COL19A1: variants seen among roughly 807,000 people sequenced by gnomAD.
COL19A1 encodes collagen alpha-1(XIX) chain.
Under a neutral mutation model 190.2 loss-of-function variants are expected in COL19A1, and 159 were observed. The ratio of observed to expected loss-of-function variants is 0.84; its 90% CI spans 0.73 to 0.95. COL19A1 has a LOEUF of 0.95. Ranked by LOEUF, COL19A1 falls within the 40% of genes least tolerant of loss-of-function variation. The probability of loss-of-function intolerance (pLI) is 0.00; values close to 1 mark genes in which losing one functional copy is unlikely to be tolerated. For missense variants in COL19A1, 1,418 were observed against 1,431.9 expected (o/e 0.99, Z 0.16); for synonymous variants, 509 against 458.9 (o/e 1.11, Z -1.39).
intron 14 of COL19A1, among the ~76,000 whole-genome samples, chr6:70,038,288 C>G (rs983943946): frequency 6.6e-6 from 1 of 152,188 alleles, no homozygotes; most frequent in East Asian, 1.9e-4. Context: ...TATTGGGGCT[C>G]CACCCCCAGA....
At chr6:69,970,080 T>C (rs1410455827) in intron 11 of COL19A1, among the ~76,000 whole-genome samples, 1 of 152,172 alleles carries the variant, frequency 6.6e-6, no homozygotes, top group Non-Finnish European at 1.5e-5. Flanking sequence ...CACCTCCTGA[T>C]GAGAGAAGCT....
At chr6:70,103,374 G>C (rs1043986395) in intron 16 of COL19A1, among the ~76,000 whole-genome samples, 5 of 152,068 alleles carry the variant, frequency 3.3e-5, no homozygotes, top group African/African-American at 9.7e-5. Context: ...TCTCCAAGTG[G>C]AGCAAAACCT....
chr6:70,039,945 T>A (rs570699669), intron 14 of COL19A1, among the ~76,000 whole-genome samples: 6,962 of 135,692 alleles, frequency 0.051, 212 homozygotes, highest in Non-Finnish European at 0.074. Context: ...TTTTTTTTTT[T>A]AACAAAGACA....
At chr6:69,874,029 A>G (rs944352416) in intron 1 of COL19A1, among the ~76,000 whole-genome samples, 1 of 152,212 alleles carries the variant, frequency 6.6e-6, no homozygotes, top group East Asian at 1.9e-4. Flanking sequence ...TTGTAAATCT[A>G]TCTTGATAAT....
At chr6:69,935,347 TA>T (rs1161913702) in intron 7 of COL19A1, among the ~76,000 whole-genome samples, 1 of 151,970 alleles carries the variant, frequency 6.6e-6, no homozygotes, top group Non-Finnish European at 1.5e-5. Flanking sequence ...GACATACTTT[TA>T]AAGTTATTTA....
intron 14 of COL19A1, among the ~76,000 whole-genome samples, chr6:70,059,980 A>G (rs969053761): frequency 1.3e-4 from 20 of 152,204 alleles, no homozygotes; most frequent in Non-Finnish European, 2.9e-4. Flanking sequence ...GATAATTAAG[A>G]CTATGATTCT....
At chr6:70,000,563 G>GCAATTTAAT (rs1236482838) in intron 11 of COL19A1, among the ~76,000 whole-genome samples, 1 of 152,082 alleles carries the variant, frequency 6.6e-6, no homozygotes, top group Non-Finnish European at 1.5e-5. Flanking sequence ...TTGCCATTCT[G>GCAATTTAAT]ACTGGCATGA....
intron 9 of COL19A1, among the ~76,000 whole-genome samples, chr6:69,951,440 A>ATTTGAAG (rs1774118698): frequency 6.6e-6 from 1 of 151,972 alleles, no homozygotes; most frequent in African/African-American, 2.4e-5. Flanking sequence ...GGACCAGATT[A>ATTTGAAG]GAACTTATTT....
At chr6:69,965,220 C>T (rs996346287) in intron 11 of COL19A1, among the ~76,000 whole-genome samples, 2 of 152,136 alleles carry the variant, frequency 1.3e-5, no homozygotes, top group South Asian at 2.1e-4. Flanking sequence ...TTTAATTTGA[C>T]TGTTTGAGTG....
chr6:70,004,663 G>A (rs1014507141), intron 11 of COL19A1, among the ~76,000 whole-genome samples: 1 of 151,632 alleles, frequency 6.6e-6, no homozygotes, highest in Non-Finnish European at 1.5e-5. Context: ...TTCACAAAGT[G>A]TAATGCTCTG....
At chr6:69,904,737 C>T (rs757828724) in intron 4 of COL19A1, among the ~76,000 whole-genome samples, 4 of 152,230 alleles carry the variant, frequency 2.6e-5, no homozygotes, top group Non-Finnish European at 4.4e-5. Context: ...GTCAAACTTA[C>T]AGCTGTTGCT....
intron 11 of COL19A1, among the ~76,000 whole-genome samples, chr6:69,964,855 A>G (rs1775001825): frequency 6.6e-6 from 1 of 152,210 alleles, no homozygotes; most frequent in Non-Finnish European, 1.5e-5. Flanking sequence ...TGCAAAAGTA[A>G]TTACATTACA....
chr6:69,953,357 A>T (rs1256474070), intron 9 of COL19A1, among the ~76,000 whole-genome samples: 1 of 150,060 alleles, frequency 6.7e-6, no homozygotes, highest in African/African-American at 2.4e-5. Context: ...CATAGAAAAA[A>T]ATGACCACAA....
At chr6:70,026,928 T>C (rs1358429574) in intron 12 of COL19A1, among the ~76,000 whole-genome samples, 1 of 152,182 alleles carries the variant, frequency 6.6e-6, no homozygotes, top group Non-Finnish European at 1.5e-5. Flanking sequence ...CCACACATCA[T>C]TGCTTATTTT....
At chr6:69,898,888 C>T in intron 2 of COL19A1, 60 bp from the exon 3 acceptor site, 1 of 951,648 alleles carries the variant, frequency 1.1e-6, no homozygotes, top group East Asian at 2.4e-5. Context: ...TCTGATTGTA[C>T]TGTGTAATTA....
chr6:70,086,761 T>G (rs566933575), intron 15 of COL19A1, among the ~76,000 whole-genome samples: 1 of 152,334 alleles, frequency 6.6e-6, no homozygotes, highest in South Asian at 2.1e-4. Context: ...AGTATAGTAA[T>G]GAATGCGATC....
At chr6:69,896,464 G>C (rs1014810916) in intron 2 of COL19A1, among the ~76,000 whole-genome samples, 2 of 150,336 alleles carry the variant, frequency 1.3e-5, no homozygotes, top group Non-Finnish European at 2.9e-5. Context: ...GTGAACCCGG[G>C]AGGCGGAGCT....
chr6:70,010,051 T>C (rs1777892564), intron 11 of COL19A1, among the ~76,000 whole-genome samples: 2 of 152,222 alleles, frequency 1.3e-5, no homozygotes, highest in Admixed American at 1.3e-4. Flanking sequence ...TTTTTAACTA[T>C]GACACTAAAA....
chr6:69,878,505 G>A (rs761143455), intron 1 of COL19A1, among the ~76,000 whole-genome samples: 6 of 152,004 alleles, frequency 3.9e-5, no homozygotes, highest in Non-Finnish European at 7.4e-5. Flanking sequence ...GAGCCACCAC[G>A]CTCGGCCTAT....
Sources: allele counts gnomAD v4.1 joint callset (sites outside exome capture counted in the v4.1 genomes callset), GRCh38; gene constraint gnomAD v4.1.1; transcripts MANE v1.5; gene names NCBI Gene and HGNC (gene_info 2026-07-23, HGNC 2026-07-21).